Variants in PALLD observed in about 807,000 individuals in gnomAD.
PALLD encodes palladin.
A neutral mutation model predicts 123.5 loss-of-function variants in PALLD; 61 were observed. The observed-to-expected ratio is 0.49, with a 90% CI of 0.40 to 0.61. The LOEUF is 0.61. Ranked by LOEUF, PALLD falls within the 20% of genes least tolerant of loss-of-function variation. The pLI, the probability that PALLD is intolerant of heterozygous loss-of-function variation, is 0.00. For missense variants in PALLD, 1,273 were observed against 1,377.0 expected (o/e 0.92, Z 1.20); for synonymous variants, 465 against 496.4 (o/e 0.94, Z 0.84).
intron 10 of PALLD, among the ~76,000 whole-genome samples, chr4:168,829,966 T>C (rs1743962613): frequency 6.6e-6 from 1 of 152,162 alleles, no homozygotes; most frequent in Non-Finnish European, 1.5e-5. Context: ...GTGCAGTGGG[T>C]CATGCCTATA....
chr4:168,892,870 A>G (rs186795186), intron 11 of PALLD, among the ~76,000 whole-genome samples: 423 of 152,284 alleles, frequency 2.8e-3, no homozygotes, highest in Non-Finnish European at 4.0e-3. Flanking sequence ...TTAGCAGTGA[A>G]TAACATTCAC....
chr4:168,637,423 C>T lies in PALLD; in HGVS notation c.909-30767C>T, dbSNP rs112304826. 2.0e-3 allele frequency among the ~76,000 whole-genome samples: 301 copies of T among 151,958 alleles called. 3 individuals are homozygous for T. The highest frequency in any genetic ancestry group is 0.017 in the Middle Eastern group (5 of 294). On this transcript the variant is annotated intron_variant, in intron 2 of 21. Coordinates refer to ENST00000505667, the MANE Select transcript of PALLD (RefSeq NM_001166108.2). ...TCAGTCTCACATTGCTCAGCTAACC[C>T]GGTTATAATTTTAAAAACTGATTTG...
At chr4:168,592,018 A>AT (rs10672786) in intron 2 of PALLD, among the ~76,000 whole-genome samples, 28,241 of 138,826 alleles carry the variant, frequency 0.2, 3,007 homozygotes, top group East Asian at 0.33. Flanking sequence ...ACTATTATGG[A>AT]TTTTTTTTTT....
chr4:168,807,446 G>T (rs1354659460), intron 10 of PALLD, among the ~76,000 whole-genome samples: 1 of 152,130 alleles, frequency 6.6e-6, no homozygotes, highest in East Asian at 1.9e-4. Context: ...TTTCACTCTT[G>T]TTGCCCAGAC....
chr4:168,556,689 A>G (rs1364813283), intron 2 of PALLD, among the ~76,000 whole-genome samples: 1 of 152,214 alleles, frequency 6.6e-6, no homozygotes, highest in Non-Finnish European at 1.5e-5. Flanking sequence ...CATTGTTACT[A>G]TCAGTCTTAA....
At chr4:168,611,690 T>C (rs1773741303) in intron 2 of PALLD, among the ~76,000 whole-genome samples, 1 of 152,240 alleles carries the variant, frequency 6.6e-6, no homozygotes, top group Admixed American at 6.5e-5. Flanking sequence ...TTTGCCTTTC[T>C]GGTACCATTT....
At chr4:168,776,008 C>T (rs996666891) in intron 10 of PALLD, among the ~76,000 whole-genome samples, 2 of 152,126 alleles carry the variant, frequency 1.3e-5, no homozygotes, top group Admixed American at 1.3e-4. Context: ...GTTGTTTTGG[C>T]TACTCTTGGT....
chr4:168,598,388 C>T, intron 2 of PALLD: 1 of 620,680 alleles, frequency 1.6e-6, no homozygotes, highest in Non-Finnish European at 3.1e-6. Flanking sequence ...ACTTGTTAAG[C>T]TGTCAGCACC....
At chr4:168,679,232 T>G (rs1327449656) in intron 3 of PALLD, among the ~76,000 whole-genome samples, 1 of 69,780 alleles carries the variant, frequency 1.4e-5, no homozygotes, top group African/African-American at 5.8e-5. Flanking sequence ...GTGTGTGTGG[T>G]GTGTGTGGGG....
chr4:168,522,950 T>G (rs1166268343), intron 2 of PALLD, among the ~76,000 whole-genome samples: 1 of 152,154 alleles, frequency 6.6e-6, no homozygotes, highest in Non-Finnish European at 1.5e-5. Context: ...CTCTCGGTTA[T>G]GAGTTCCAAT....
chr4:168,615,461 T>G (rs1308505577), intron 2 of PALLD, among the ~76,000 whole-genome samples: 1 of 152,232 alleles, frequency 6.6e-6, no homozygotes, highest in Non-Finnish European at 1.5e-5. Flanking sequence ...GGTGTCAGTA[T>G]CTGGCCCGAG....
At chr4:168,883,499 C>G (rs1752914705) in intron 10 of PALLD, among the ~76,000 whole-genome samples, 1 of 152,164 alleles carries the variant, frequency 6.6e-6, no homozygotes, top group South Asian at 2.1e-4. Flanking sequence ...GGTACCTTAT[C>G]TCTTTAATCA....
chr4:168,701,288 C>T (rs1308334155), intron 8 of PALLD, among the ~76,000 whole-genome samples: 5 of 152,232 alleles, frequency 3.3e-5, no homozygotes, highest in African/African-American at 4.8e-5. Flanking sequence ...GCCCAGTGCT[C>T]AGAAGGCAAT....
intron 6 of PALLD, among the ~76,000 whole-genome samples, chr4:168,689,900 T>C (rs1034672078): frequency 2.0e-5 from 3 of 152,234 alleles, no homozygotes; most frequent in Non-Finnish European, 2.9e-5. Flanking sequence ...AAAGCTTTAC[T>C]TCTTTGTATC....
chr4:168,914,199 A>C, intron 16 of PALLD, 178 bp downstream of exon 16: 1 of 615,730 alleles, frequency 1.6e-6, no homozygotes, highest in Middle Eastern at 4.3e-4. Context: ...GCAGAAAGGG[A>C]ATGGGAACAA....
chr4:168,591,385 G>C (rs1229558974), intron 2 of PALLD, among the ~76,000 whole-genome samples: 1 of 152,154 alleles, frequency 6.6e-6, no homozygotes, highest in Admixed American at 6.5e-5. Flanking sequence ...AGCTCTAAGT[G>C]GGTCCTTATC....
chr4:168,528,634 C>T (rs1242675778), intron 2 of PALLD, among the ~76,000 whole-genome samples: 1 of 152,032 alleles, frequency 6.6e-6, no homozygotes, highest in African/African-American at 2.4e-5. Context: ...TATCCAAAGA[C>T]ATAACGTGAC....
At chr4:168,807,952 AG>A (rs1436788819) in intron 10 of PALLD, among the ~76,000 whole-genome samples, 3 of 151,810 alleles carry the variant, frequency 2.0e-5, no homozygotes, top group African/African-American at 7.3e-5. Flanking sequence ...GTGATCCATC[AG>A]CATCAGCTTC....
intron 2 of PALLD, among the ~76,000 whole-genome samples, chr4:168,560,411 G>C (rs1173275233): frequency 1.3e-5 from 2 of 152,172 alleles, no homozygotes; most frequent in Non-Finnish European, 2.9e-5. Context: ...AATGTTGACA[G>C]TGTAATCTGA....
Sources: gnomAD v4.1 joint callset for allele counts (sites outside exome capture counted in the v4.1 genomes callset) on GRCh38, gnomAD v4.1.1 for gene constraint, MANE v1.5 for transcripts, NCBI Gene and HGNC (gene_info 2026-07-23, HGNC 2026-07-21) for gene names.